Variants in SASH1 observed in about 807,000 individuals in gnomAD.
The protein encoded by SASH1 is SAM and SH3 domain-containing protein 1.
Under a neutral mutation model 125.2 loss-of-function variants are expected in SASH1, and 44 were observed. The observed-to-expected ratio is 0.35, with a 90% CI of 0.28 to 0.45. The LOEUF (loss-of-function observed/expected upper bound fraction) is 0.45, where lower values mean the gene tolerates loss of function less well. SASH1 is among the 20% of genes least tolerant of loss of function. The pLI is 1.00. For synonymous variants in SASH1, 639 were observed against 649.1 expected, an observed-to-expected ratio of 0.98 and a Z score of 0.24; for missense variants, 1,426 against 1,614.5, an observed-to-expected ratio of 0.88 and a Z score of 2.00.
intron 8 of SASH1, among the ~76,000 whole-genome samples, chr6:148,502,931 C>T (rs1254438107): frequency 6.6e-6 from 1 of 152,182 alleles, no homozygotes; most frequent in Non-Finnish European, 1.5e-5. Flanking sequence ...GTGTTTTTCT[C>T]TTGCGGTTGT....
At chr6:148,208,977 T>C in the SASH1 span, among the ~76,000 whole-genome samples, 1 of 152,244 alleles carries the variant, frequency 6.6e-6, no homozygotes, top group Non-Finnish European at 1.5e-5. Flanking sequence ...CTTTTTCTGC[T>C]GGGCATCGAT....
chr6:148,519,449 A>C lies in SASH1; in HGVS notation c.863-98A>C. The stretch of plus-strand genomic sequence containing the variant: ...ATGTAAGTGGGAGCTGGGTTTATAA[A>C]GAGGGTCATGATACGGAGAAAGGTG... On this transcript the variant is annotated intron_variant, in intron 9 of 19. Transcript: ENST00000367467. The surrounding 1 kb of genome is among the most constrained non-coding windows in gnomAD (Gnocchi z 4.8). 1.2e-6 allele frequency: 1 copy of C among 846,740 alleles called. No individual in the cohort carries two copies. The highest frequency in any genetic ancestry group is 1.9e-6 in the Non-Finnish European group (1 of 532,898). The allele number at this position is 846,740 out of a possible 1,614,324, so 52.5% of individuals were successfully genotyped here. A position where few individuals can be genotyped will look rare whatever the true frequency, so the allele number is the denominator to read the frequency against.
chr6:148,379,298 A>G (rs995125877), intron 1 of SASH1, among the ~76,000 whole-genome samples: 3 of 152,130 alleles, frequency 2.0e-5, no homozygotes, highest in Non-Finnish European at 2.9e-5. Flanking sequence ...CTCTTGGAAC[A>G]TGTTAAGCTC....
intron 1 of SASH1, among the ~76,000 whole-genome samples, chr6:148,374,374 T>G (rs1035434128): frequency 2.0e-5 from 3 of 152,214 alleles, no homozygotes; most frequent in African/African-American, 7.2e-5. Context: ...AAAATGTTAA[T>G]TCTTCAATGA....
intron 1 of SASH1, among the ~76,000 whole-genome samples, chr6:148,329,200 C>T (rs1233513645): frequency 6.6e-6 from 1 of 152,180 alleles, no homozygotes; most frequent in East Asian, 1.9e-4. Context: ...CATTAGATAG[C>T]TAGCACCTAG....
At position 148,301,571 on chromosome 6, in the gene SASH1, TTTTTCTTTTC is replaced by T. The variant is rs372693543; in HGVS notation, n.74+29209_74+29218del. On this transcript the variant is annotated intron_variant and non_coding_transcript_variant, in intron 1 of 3. Coordinates refer to the SASH1 transcript ENST00000367469. ...GTGAGCCACTGTGCCCAACCTGGGG[TTTTTCTTTTC>T]TTTTCTTTTCTTTTTGAGACAGGAT... Among the ~76,000 whole-genome samples the T allele has an allele frequency of 2.7e-5, 4 of 149,034 alleles. No individual in the cohort carries two copies. The South Asian group carries it at 6.4e-4, about 24-fold the overall frequency.
chr6:148,520,236 C>A (rs1330971722), intron 10 of SASH1: 1 of 243,304 alleles, frequency 4.1e-6, no homozygotes, highest in Admixed American at 5.0e-5. Flanking sequence ...GCTAGTGCGG[C>A]CTGCCTCAGA....
At chr6:148,442,699 A>C (rs1414532450) in intron 4 of SASH1, among the ~76,000 whole-genome samples, 2 of 152,160 alleles carry the variant, frequency 1.3e-5, no homozygotes, top group Admixed American at 1.3e-4. Context: ...TAATGACCAA[A>C]TACAGGAAAC....
rs1781579633 is a variant in SASH1 at position 148,532,453 on chromosome 6, A to G, written c.1565-344A>G. On this transcript the variant is annotated intron_variant, in intron 13 of 19. Transcript: ENST00000367467. The surrounding 1 kb of genome is among the most constrained non-coding windows in gnomAD (Gnocchi z 4.7). ...GCTCTGAATTTGTTTCCTCATCTGTAAAATGGTTAGAGAGAGTGTGCATTA... is the reference window on the plus strand; with the variant it reads ...GCTCTGAATTTGTTTCCTCATCTGTGAAATGGTTAGAGAGAGTGTGCATTA... 1.3e-5 allele frequency among the ~76,000 whole-genome samples: 2 copies of G among 152,140 alleles called. No individual in the cohort carries two copies. Among genetic ancestry groups the G allele is most frequent in the Admixed American group, 1.3e-4 (2 of 15,268 alleles).
rs1781360022 is a variant in SASH1 at position 148,529,061 on chromosome 6, A to G, written c.1428+1465A>G. 6.6e-6 allele frequency among the ~76,000 whole-genome samples: 1 copy of G among 152,124 alleles called. No homozygotes were observed. The stretch of plus-strand genomic sequence containing the variant: ...CTACGAGAATCTAATACCGCCGCTG[A>G]TCTGACAGGAGGTGGAGCTCAGACA... On this transcript the variant is annotated intron_variant, in intron 12 of 19. Transcript: ENST00000367467. This position sits in a 1 kb window ranked among gnomAD's most constrained non-coding sequence, Gnocchi z 4.2.
intron 8 of SASH1, among the ~76,000 whole-genome samples, chr6:148,494,047 G>A (rs747968525): frequency 9.2e-5 from 14 of 152,020 alleles, no homozygotes; most frequent in Non-Finnish European, 1.3e-4. Context: ...TATGATCTCT[G>A]TTTTACCGGG....
chr6:148,448,140 A>G (rs140095076), intron 4 of SASH1, among the ~76,000 whole-genome samples: 710 of 66,272 alleles, frequency 0.011, 4 homozygotes, highest in African/African-American at 0.03. Context: ...GTGTGTGTGT[A>G]TGTGTGTGTG....
At chr6:148,303,552 T>A (rs528045789) in intron 1 of SASH1, among the ~76,000 whole-genome samples, 1 of 152,146 alleles carries the variant, frequency 6.6e-6, no homozygotes, top group East Asian at 1.9e-4. Context: ...ATCCCAGCAC[T>A]TTTGGAGGCT....
intron 4 of SASH1, among the ~76,000 whole-genome samples, chr6:148,467,157 T>C (rs1777881829): frequency 7.2e-6 from 1 of 139,662 alleles, no homozygotes; most frequent in South Asian, 2.4e-4. Context: ...AGTGCAATGG[T>C]GCGATCTTGG....
At position 148,533,688 on chromosome 6, in the gene SASH1, A is replaced by G. The variant is rs764408836; in HGVS notation, c.1735-83A>G. 387 of 1,318,322 alleles carry G rather than the reference A, an allele frequency of 2.9e-4. No individual in the cohort carries two copies. The highest frequency in any genetic ancestry group is 7.2e-4 in the South Asian group (55 of 76,910). The allele number at this position is 1,318,322 out of a possible 1,614,324, so 81.7% of individuals were successfully genotyped here. A position where few individuals can be genotyped will look rare whatever the true frequency, so the allele number is the denominator to read the frequency against. ...GCCTTTGTGGCATCTTCACTTCTGCATGACCTGTGTATCTGACAGATTCTT... is the reference window on the plus strand; with the variant it reads ...GCCTTTGTGGCATCTTCACTTCTGCGTGACCTGTGTATCTGACAGATTCTT... On this transcript the variant is annotated intron_variant, in intron 14 of 19. Transcript: ENST00000367467. This position sits in a 1 kb window ranked among gnomAD's most constrained non-coding sequence, Gnocchi z 6.2.
In SASH1 at chr6:148,460,042, T is replaced by C. The variant is rs367763133; in HGVS notation, c.387-8503T>C. On this transcript the variant is annotated intron_variant, in intron 4 of 19. Coordinates refer to ENST00000367467, the MANE Select transcript of SASH1 (RefSeq NM_015278.5). ...CATGGAGGTACCAGTCAGCTGCTCATGATCTCTACCACAGACAGAACAAAA... is the reference window on the plus strand; with the variant it reads ...CATGGAGGTACCAGTCAGCTGCTCACGATCTCTACCACAGACAGAACAAAA... Among the ~76,000 whole-genome samples the C allele has an allele frequency of 2.0e-5, 3 of 152,316 alleles. No individual in the cohort carries two copies. The East Asian group carries it at 5.8e-4, about 29-fold the overall frequency.
At chr6:148,216,732 CT>C in the SASH1 span, among the ~76,000 whole-genome samples, 1 of 151,746 alleles carries the variant, frequency 6.6e-6, no homozygotes, top group Non-Finnish European at 1.5e-5. Context: ...TCTCTTTTTT[CT>C]TTTTCTTTTT....
Position 148,482,892 on chromosome 6 carries a change from T to C in SASH1, c.628-4722T>C, listed in dbSNP as rs534919362. Among the ~76,000 whole-genome samples the C allele has an allele frequency of 2.0e-5, 3 of 152,160 alleles. No individual in the cohort carries two copies. The East Asian group carries it at 5.8e-4, about 29-fold the overall frequency. On this transcript the variant is annotated intron_variant, in intron 7 of 19. Coordinates refer to ENST00000367467, the MANE Select transcript of SASH1 (RefSeq NM_015278.5). ...TTAGTAGAGACAGGGTTTCACCATG[T>C]TGGCCAGGCTGGTCTCGAACTCCTG...
intron 2 of SASH1, among the ~76,000 whole-genome samples, chr6:148,424,521 G>A (rs1268783611): frequency 3.3e-5 from 5 of 151,946 alleles, no homozygotes; most frequent in African/African-American, 7.2e-5. Context: ...CACCATATCC[G>A]GCCAGATGGG....
Sources: gnomAD v4.1 joint callset for allele counts (sites outside exome capture counted in the v4.1 genomes callset) on GRCh38, gnomAD v4.1.1 for gene constraint, Gnocchi (gnomAD v3.1) non-coding constraint, MANE v1.5 for transcripts, NCBI Gene and HGNC (gene_info 2026-07-23, HGNC 2026-07-21) for gene names.